The following DDX4 variants were observed in gnomAD, a reference collection of about 807,000 sequenced individuals.
The protein encoded by DDX4 is probable ATP-dependent RNA helicase DDX4.
DDX4 carries 25 observed loss-of-function variants against 100.0 expected under a neutral mutation model. The observed-to-expected ratio is 0.25, with a 90% CI of 0.18 to 0.35. The LOEUF is 0.35. Ranked by LOEUF, DDX4 falls within the 10% of genes least tolerant of loss-of-function variation. The pLI, the probability that DDX4 is intolerant of heterozygous loss-of-function variation, is 1.00. For synonymous variants in DDX4, 259 were observed against 275.7 expected, an observed-to-expected ratio of 0.94 and a Z score of 0.60; for missense variants, 635 against 882.4, an observed-to-expected ratio of 0.72 and a Z score of 3.55.
rs1741886503 is a variant in DDX4, at chr5:55,781,139, T to C, written c.570T>C (p.Ser190=). ...GLFGSRRPVL[S]GTGNGDTSQS... ...TTGGTTCTAGAAGACCAGTATTAAG[T>C]GGCACAGGTGAGAAATAGAACTTAT... Residue 190 remains serine, a synonymous_variant, in exon 9 of 22, where the codon AGT becomes AGC. Transcript: ENST00000505374. 1 of 1,610,318 alleles carries C rather than the reference T, an allele frequency of 6.2e-7. No homozygotes were observed. The highest frequency in any genetic ancestry group is 1.3e-5 in the African/African-American group (1 of 74,730).
At chr5:55,805,641 C>T (rs1433708869) in intron 18 of DDX4, among the ~76,000 whole-genome samples, 6 of 152,204 alleles carry the variant, frequency 3.9e-5, no homozygotes, top group South Asian at 4.1e-4. Flanking sequence ...GATTTGCATA[C>T]ATTGAACCAG....
At position 55,776,872 on chromosome 5, in the gene DDX4, G is replaced by C. The variant is rs138037040; in HGVS notation, c.395-3092G>C. ...TAAACATATTGGTAAACTTAAATAA[G>C]TATTGACTATATAAACTAGCAATAA... is the stretch of plus-strand genomic sequence containing the variant. On this transcript the variant is annotated intron_variant, in intron 7 of 21. Transcript: ENST00000505374. Among the ~76,000 whole-genome samples the C allele has an allele frequency of 7.2e-5, 11 of 152,244 alleles. 1 individual carries two copies. Among genetic ancestry groups the C allele is most frequent in the Admixed American group, 6.5e-4 (10 of 15,290 alleles).
chr5:55,774,421 G>A (rs1028706518), intron 7 of DDX4, among the ~76,000 whole-genome samples: 3 of 152,086 alleles, frequency 2.0e-5, no homozygotes, highest in African/African-American at 4.8e-5. Flanking sequence ...CAAAGTGCTC[G>A]GATTACAGGT....
rs1741937255 is a variant in DDX4, at chr5:55,781,928, T to C, written c.578-6T>C. ...TCTAAATATGTTGTGAAACAATGCC[T>C]TACAGGTAATGGTGATACTTCTCAA... On this transcript the variant is annotated splice_polypyrimidine_tract_variant and splice_region_variant and intron_variant, in intron 9 of 21. Coordinates refer to ENST00000505374, the MANE Select transcript of DDX4 (RefSeq NM_024415.3). The C allele has an allele frequency of 6.2e-7, 1 of 1,613,916 alleles. No individual in the cohort carries two copies. The highest frequency in any genetic ancestry group is 8.5e-7 in the Non-Finnish European group (1 of 1,179,978).
chr5:55,779,047 G>T (rs1741747695), intron 7 of DDX4, among the ~76,000 whole-genome samples: 1 of 152,156 alleles, frequency 6.6e-6, no homozygotes, highest in African/African-American at 2.4e-5. Context: ...TTGGATGTTA[G>T]TTGGAAGGAG....
At chr5:55,739,108 A>G in intron 2 of DDX4, 76 bp downstream of exon 2, 5 of 865,902 alleles carry the variant, frequency 5.8e-6, no homozygotes, top group Non-Finnish European at 5.8e-6. Context: ...TGAGAGTTCT[A>G]AATTATACAG....
intron 6 of DDX4, among the ~76,000 whole-genome samples, chr5:55,765,404 A>AT (rs1309510380): frequency 5.0e-5 from 6 of 120,230 alleles, no homozygotes; most frequent in African/African-American, 2.0e-4. Context: ...CTAAAAAAAA[A>AT]AAAAAAAAAA....
At chr5:55,779,747 C>A (rs992119536) in intron 7 of DDX4, among the ~76,000 whole-genome samples, 4 of 152,110 alleles carry the variant, frequency 2.6e-5, no homozygotes, top group Non-Finnish European at 5.9e-5. Flanking sequence ...ATTCTCAAAG[C>A]AAGCAGTGAG....
chr5:55,772,929 A>C (rs1741342847), intron 7 of DDX4, among the ~76,000 whole-genome samples: 1 of 152,174 alleles, frequency 6.6e-6, no homozygotes, highest in Non-Finnish European at 1.5e-5. Flanking sequence ...AAACCTCAAG[A>C]TTGCCTGTTA....
Position 55,763,224 on chromosome 5 carries a change from T to C in DDX4, c.255T>C (p.Phe85=). 6.2e-7 allele frequency: 1 copy of C among 1,612,350 alleles called. No homozygotes were observed. ...ATAATACATCCACAATGGGTGGTTT[T>C]GGAGTTGGAAAGAGTTTTGGAAACA... is the stretch of plus-strand genomic sequence containing the variant. ...KRDNTSTMGG[F]GVGKSFGNRG... Residue 85 remains phenylalanine, a synonymous_variant, in exon 5 of 22, where the codon TTT becomes TTC. Transcript: ENST00000505374.
chr5:55,801,229 T>G (rs1743279937), intron 18 of DDX4, among the ~76,000 whole-genome samples: 1 of 151,790 alleles, frequency 6.6e-6, no homozygotes. Context: ...TTTTTTTTTT[T>G]TTTTGCGATT....
chr5:55,783,686 G>GATGA, intron 10 of DDX4, among the ~76,000 whole-genome samples: 1 of 125,082 alleles, frequency 8.0e-6, no homozygotes, highest in Middle Eastern at 3.5e-3. Context: ...TGAATGGATG[G>GATGA]ATGAATGGAT....
At chr5:55,750,948 C>T (rs1223669090) in intron 3 of DDX4, among the ~76,000 whole-genome samples, 1 of 152,136 alleles carries the variant, frequency 6.6e-6, no homozygotes, top group Non-Finnish European at 1.5e-5. Flanking sequence ...CCTCCTGTTC[C>T]CCTCTGTTAC....
chr5:55,807,040 CTCT>C (rs1395267997), intron 18 of DDX4, among the ~76,000 whole-genome samples: 3 of 152,154 alleles, frequency 2.0e-5, no homozygotes, highest in African/African-American at 7.2e-5. Context: ...GGATAGTTAG[CTCT>C]TCTTGTTGTA....
intron 10 of DDX4, 148 bp from the exon 11 acceptor site, chr5:55,785,149 A>G (rs1742165203): frequency 4.5e-6 from 3 of 663,928 alleles, no homozygotes; most frequent in East Asian, 2.5e-5. Flanking sequence ...CTAAAAATGT[A>G]CAAGGTTCTA....
At chr5:55,808,903 T>C (rs1289933572) in intron 18 of DDX4, among the ~76,000 whole-genome samples, 1 of 152,232 alleles carries the variant, frequency 6.6e-6, no homozygotes, top group Non-Finnish European at 1.5e-5. Context: ...GTCTGTGCCC[T>C]GCCCCCAGAG....
chr5:55,764,188 A>G, intron 6 of DDX4, 124 bp downstream of exon 6: 2 of 697,674 alleles, frequency 2.9e-6, no homozygotes, highest in Non-Finnish European at 5.0e-6. Flanking sequence ...TTTATGAAGT[A>G]GCTATATCCA....
At chr5:55,751,674 A>C (rs1759560547) in intron 3 of DDX4, among the ~76,000 whole-genome samples, 1 of 152,194 alleles carries the variant, frequency 6.6e-6, no homozygotes, top group African/African-American at 2.4e-5. Flanking sequence ...GTTGATTGGC[A>C]GGCATTGTTA....
intron 10 of DDX4, among the ~76,000 whole-genome samples, chr5:55,782,529 C>G (rs1400354778): frequency 1.3e-5 from 2 of 151,116 alleles, no homozygotes; most frequent in Admixed American, 1.3e-4. Context: ...ATCCGGGAGG[C>G]GGAGGTTGCA....
Sources: gnomAD v4.1 joint callset for allele counts (sites outside exome capture counted in the v4.1 genomes callset) on GRCh38, gnomAD v4.1.1 for gene constraint, MANE v1.5 for transcripts, NCBI Gene and HGNC (gene_info 2026-07-23, HGNC 2026-07-21) for gene names.